Variants in PCDH15 observed in about 807,000 individuals in gnomAD.
The protein encoded by PCDH15 is protocadherin related 15.
PCDH15 carries 129 observed loss-of-function variants against 178.5 expected under a neutral mutation model. That is an observed-to-expected ratio of 0.72 (90% CI 0.63 to 0.84). PCDH15 has a LOEUF of 0.84. PCDH15 is among the 40% of genes least tolerant of loss of function. The pLI, the probability that PCDH15 is intolerant of heterozygous loss-of-function variation, is 0.00. For missense variants in PCDH15, 2,230 were observed against 2,099.9 expected, an observed-to-expected ratio of 1.06 and a Z score of -1.21; for synonymous variants, 800 against 732.0, an observed-to-expected ratio of 1.09 and a Z score of -1.50.
chr10:55,427,439 A>G (rs1325289280), intron 2 of PCDH15, among the ~76,000 whole-genome samples: 3 of 152,202 alleles, frequency 2.0e-5, no homozygotes, highest in African/African-American at 7.2e-5. Flanking sequence ...AAAACACAAA[A>G]GAATTTCAGG....
At chr10:54,280,057 G>A (rs1329711077) in intron 8 of PCDH15, among the ~76,000 whole-genome samples, 1 of 151,534 alleles carries the variant, frequency 6.6e-6, no homozygotes, top group Non-Finnish European at 1.5e-5. Context: ...TGCTGAAAAT[G>A]GGTTCAAACT....
chr10:55,313,480 G>A (rs1427384832), intron 1 of PCDH15, among the ~76,000 whole-genome samples: 1 of 152,158 alleles, frequency 6.6e-6, no homozygotes, highest in African/African-American at 2.4e-5. Context: ...CCTTTGGGAT[G>A]GCGTTACGGA....
chr10:54,069,245 C>T (rs566403249), intron 17 of PCDH15, among the ~76,000 whole-genome samples: 1 of 152,260 alleles, frequency 6.6e-6, no homozygotes, highest in South Asian at 2.1e-4. Flanking sequence ...ACCCCCTTTA[C>T]ACCAGCCTGT....
chr10:54,066,982 C>T, intron 17 of PCDH15, 97 bp from the exon 18 acceptor site: 1 of 1,224,600 alleles, frequency 8.2e-7, no homozygotes. Context: ...TGAAAAGCAT[C>T]TCATTTTTCT....
At chr10:55,598,275 T>A (rs1488644407) in intron 2 of PCDH15, among the ~76,000 whole-genome samples, 1 of 151,832 alleles carries the variant, frequency 6.6e-6, no homozygotes. Flanking sequence ...GGGACTTTAA[T>A]GTCCTGAGGA....
intron 3 of PCDH15, among the ~76,000 whole-genome samples, chr10:54,840,704 G>T (rs1012497322): frequency 6.6e-6 from 1 of 151,670 alleles, no homozygotes; most frequent in Non-Finnish European, 1.5e-5. Flanking sequence ...TTGACTTTAA[G>T]AATATATATA....
intron 2 of PCDH15, among the ~76,000 whole-genome samples, chr10:55,481,803 A>G (rs549808346): frequency 6.6e-6 from 1 of 151,774 alleles, no homozygotes; most frequent in Non-Finnish European, 1.5e-5. Context: ...AGAAGATTGT[A>G]TATTCTGTTC....
chr10:54,779,368 A>G (rs1359436762), intron 1 of PCDH15, among the ~76,000 whole-genome samples: 3 of 143,366 alleles, frequency 2.1e-5, no homozygotes, highest in South Asian at 2.2e-4. Context: ...TTTATTTAAT[A>G]TATATATTTA....
chr10:54,160,880 C>T (rs1467724126), intron 13 of PCDH15, among the ~76,000 whole-genome samples: 2 of 152,022 alleles, frequency 1.3e-5, no homozygotes, highest in Non-Finnish European at 2.9e-5. Context: ...ATGGCTTTAA[C>T]AAATGAACTG....
At chr10:54,544,424 T>A (rs1028239743) in intron 2 of PCDH15, among the ~76,000 whole-genome samples, 1 of 151,916 alleles carries the variant, frequency 6.6e-6, no homozygotes, top group Non-Finnish European at 1.5e-5. Context: ...TAGTTTGTTA[T>A]CCACATGTAT....
At chr10:55,029,940 G>A (rs1048502660) in intron 2 of PCDH15, among the ~76,000 whole-genome samples, 18 of 152,096 alleles carry the variant, frequency 1.2e-4, no homozygotes, top group African/African-American at 4.1e-4. Flanking sequence ...AAACAAGAGA[G>A]TGATGACGTG....
chr10:54,548,114 C>G (rs544422442), intron 2 of PCDH15, among the ~76,000 whole-genome samples: 44 of 140,674 alleles, frequency 3.1e-4, no homozygotes, highest in African/African-American at 1.1e-3. Flanking sequence ...AAAAAAAAAC[C>G]AAAAAAACCA....
chr10:54,620,525 G>A (rs570403509), intron 2 of PCDH15, among the ~76,000 whole-genome samples: 146 of 152,128 alleles, frequency 9.6e-4, no homozygotes, highest in Non-Finnish European at 1.8e-3. Context: ...CAAGGATACT[G>A]AATGTGCCAG....
chr10:54,313,459 C>G (rs755019807), intron 8 of PCDH15, among the ~76,000 whole-genome samples: 13 of 152,038 alleles, frequency 8.6e-5, no homozygotes, highest in Non-Finnish European at 8.8e-5. Context: ...CCCATACTCT[C>G]TGAAAATACT....
chr10:55,558,897 A>G (rs1842140762), intron 2 of PCDH15, among the ~76,000 whole-genome samples: 1 of 152,098 alleles, frequency 6.6e-6, no homozygotes, highest in African/African-American at 2.4e-5. Flanking sequence ...TAATACATGT[A>G]CAGATACGTG....
chr10:54,151,402 T>C (rs1380635144), intron 14 of PCDH15, among the ~76,000 whole-genome samples: 2 of 151,946 alleles, frequency 1.3e-5, no homozygotes, highest in Non-Finnish European at 2.9e-5. Flanking sequence ...TTAGCTAGGA[T>C]TGGTGGCCTG....
chr10:54,317,939 A>G (rs1370027627), intron 7 of PCDH15, among the ~76,000 whole-genome samples: 2 of 152,222 alleles, frequency 1.3e-5, no homozygotes, highest in African/African-American at 4.8e-5. Context: ...AGTATGTTAC[A>G]GTAGTTAAGC....
intron 2 of PCDH15, among the ~76,000 whole-genome samples, chr10:55,055,045 T>C (rs1841263061): frequency 6.6e-6 from 1 of 152,198 alleles, no homozygotes; most frequent in Admixed American, 6.5e-5. Flanking sequence ...CAATTTTTGC[T>C]TTTTCTGCAA....
At chr10:54,169,629 TC>T (rs1432585980) in intron 13 of PCDH15, among the ~76,000 whole-genome samples, 2 of 150,544 alleles carry the variant, frequency 1.3e-5, no homozygotes, top group East Asian at 3.9e-4. Flanking sequence ...TCCTCTTGTA[TC>T]CCCCCACCTT....
Sources: allele counts gnomAD v4.1 joint callset (sites outside exome capture counted in the v4.1 genomes callset), GRCh38; gene constraint gnomAD v4.1.1; transcripts MANE v1.5; gene names NCBI Gene and HGNC (gene_info 2026-07-23, HGNC 2026-07-21).